GRIN2A: variants seen among roughly 807,000 people sequenced by gnomAD.
The protein encoded by GRIN2A is glutamate receptor ionotropic, NMDA 2A.
In GRIN2A, 22 loss-of-function variants were observed where a neutral mutation model predicts 113.4. The ratio of observed to expected loss-of-function variants is 0.19; its 90% CI spans 0.14 to 0.28. The LOEUF (loss-of-function observed/expected upper bound fraction) is 0.28, where lower values mean the gene tolerates loss of function less well. GRIN2A is among the 10% of genes least tolerant of loss of function. GRIN2A has a pLI of 1.00. For missense variants in GRIN2A, 1,502 were observed against 1,887.0 expected (o/e 0.80, Z 3.78); for synonymous variants, 827 against 738.4 (o/e 1.12, Z -1.94).
At chr16:10,112,465 C>G (rs758721483) in intron 2 of GRIN2A, 3 of 854,170 alleles carry the variant, frequency 3.5e-6, no homozygotes, top group Non-Finnish European at 6.1e-6. Context: ...TCCATCATAG[C>G]CGATGTGGCA....
chr16:10,078,773 A>G lies in GRIN2A; in HGVS notation c.414+101225T>C, dbSNP rs550323302. ...GAGGTGAGAAGCTGCTGGGGAGCTG[A>G]TGTCACCACTACCCCCTCCGAAGCC... On this transcript the variant is annotated intron_variant, in intron 2 of 12. Transcript: ENST00000330684. Among the ~76,000 whole-genome samples the G allele has an allele frequency of 2.4e-4, 36 of 152,236 alleles. No homozygotes were observed. The South Asian group carries it at 7.2e-3, about 31-fold the overall frequency.
At chr16:9,977,300 GA>G (rs199891102) in intron 2 of GRIN2A, among the ~76,000 whole-genome samples, 1 of 150,472 alleles carries the variant, frequency 6.6e-6, no homozygotes, top group Admixed American at 6.6e-5. Flanking sequence ...AGCAAGGGAG[GA>G]AGGGGGGAGG....
intron 2 of GRIN2A, among the ~76,000 whole-genome samples, chr16:10,116,250 A>G (rs1340433656): frequency 1.3e-5 from 2 of 152,236 alleles, no homozygotes; most frequent in African/African-American, 4.8e-5. Context: ...GTTCTCACTC[A>G]TAAGTGAGAG....
At chr16:9,932,586 T>C (rs1485165880) in intron 3 of GRIN2A, among the ~76,000 whole-genome samples, 1 of 151,862 alleles carries the variant, frequency 6.6e-6, no homozygotes, top group Non-Finnish European at 1.5e-5. Context: ...TTTTACCATG[T>C]GTTGGCCAGG....
rs137925544 is a variant in GRIN2A, at chr16:9,913,772, A to G, written c.1008-22672T>C. ...ATGTTCTAGGTCCAACTTTTTTTTT[A>G]GCTTTTGCCTTTGAGAGGTCATGTT... On this transcript the variant is annotated intron_variant, in intron 3 of 12. Coordinates refer to ENST00000330684, the MANE Select transcript of GRIN2A (RefSeq NM_001134407.3). Among the ~76,000 whole-genome samples the G allele has an allele frequency of 2.4e-4, 36 of 152,140 alleles. No homozygotes were observed. In the East Asian group the frequency reaches 6.6e-3, roughly 28 times the overall value.
intron 2 of GRIN2A, among the ~76,000 whole-genome samples, chr16:10,115,394 A>G (rs1370528585): frequency 6.6e-6 from 1 of 152,204 alleles, no homozygotes; most frequent in Non-Finnish European, 1.5e-5. Context: ...AGAGATGCTT[A>G]AACAGGAAGA....
chr16:9,948,931 C>A (rs796106763), intron 2 of GRIN2A, among the ~76,000 whole-genome samples: 3 of 152,316 alleles, frequency 2.0e-5, no homozygotes, highest in African/African-American at 7.2e-5. Flanking sequence ...CCCTGAGCCT[C>A]CATTTTTTTC....
At chr16:9,922,281 T>C (rs2044371727) in intron 3 of GRIN2A, among the ~76,000 whole-genome samples, 1 of 151,898 alleles carries the variant, frequency 6.6e-6, no homozygotes, top group Non-Finnish European at 1.5e-5. Context: ...AATTCCAGAT[T>C]ATTGTAACCA....
At chr16:9,889,599 C>G (rs2043652449) in intron 4 of GRIN2A, among the ~76,000 whole-genome samples, 2 of 152,086 alleles carry the variant, frequency 1.3e-5, no homozygotes, top group Admixed American at 1.3e-4. Context: ...GCAGTTAAAG[C>G]TATGAATTTC....
chr16:10,177,299 T>A (rs539577992), intron 2 of GRIN2A, among the ~76,000 whole-genome samples: 115 of 152,308 alleles, frequency 7.6e-4, no homozygotes, highest in Middle Eastern at 3.4e-3. Context: ...TCTCTTGGTA[T>A]CACCCAACTC....
At chr16:9,992,953 C>T (rs548828309) in intron 2 of GRIN2A, among the ~76,000 whole-genome samples, 11 of 152,186 alleles carry the variant, frequency 7.2e-5, no homozygotes, top group African/African-American at 2.4e-4. Flanking sequence ...CGGTGGCTCA[C>T]GCCTGTAATC....
chr16:10,107,410 C>T (rs1456992196), intron 2 of GRIN2A, among the ~76,000 whole-genome samples: 1 of 152,136 alleles, frequency 6.6e-6, no homozygotes, highest in Non-Finnish European at 1.5e-5. Context: ...TTGAAACTGC[C>T]CTGAGCTGAC....
intron 2 of GRIN2A, among the ~76,000 whole-genome samples, chr16:9,943,819 T>A (rs1355863672): frequency 6.6e-6 from 1 of 152,232 alleles, no homozygotes; most frequent in Non-Finnish European, 1.5e-5. Flanking sequence ...AAGAATAACC[T>A]ATGCATTGTG....
intron 2 of GRIN2A, among the ~76,000 whole-genome samples, chr16:10,155,581 T>A (rs992448626): frequency 6.6e-6 from 1 of 152,376 alleles, no homozygotes; most frequent in Admixed American, 6.5e-5. Flanking sequence ...CGATTTAATG[T>A]ACTATCTTTT....
At chr16:10,039,723 C>T (rs111997007) in intron 2 of GRIN2A, among the ~76,000 whole-genome samples, 30,471 of 145,448 alleles carry the variant, frequency 0.21, 3,853 homozygotes, top group East Asian at 0.52. Flanking sequence ...GCAGAAGCCC[C>T]CTCCCTCCCT....
chr16:10,179,615 T>C (rs1214956246), intron 2 of GRIN2A: 1 of 249,496 alleles, frequency 4.0e-6, no homozygotes, highest in Non-Finnish European at 7.8e-6. Context: ...AAAACTGGCA[T>C]TGTGAAAATA....
intron 2 of GRIN2A, among the ~76,000 whole-genome samples, chr16:9,944,721 C>G (rs2044976316): frequency 6.6e-6 from 1 of 152,142 alleles, no homozygotes; most frequent in African/African-American, 2.4e-5. Context: ...TTGCAGACTG[C>G]TGGACCACTT....
At position 9,763,841 on chromosome 16, in the gene GRIN2A, T is replaced by G; in HGVS notation, c.3703A>C (p.Lys1235Gln). The G allele has an allele frequency of 6.2e-7, 1 of 1,614,114 alleles. No individual in the cohort carries two copies. The highest frequency in any genetic ancestry group is 8.5e-7 in the Non-Finnish European group (1 of 1,180,006). ...SGHFTMRSPF[K>Q]CDACLRMGNL... ...CCCATCCGCAGGCAGGCATCGCACT[T>G]GAAGGGGGACCTCATGGTGAAGTGG... Residue 1235 changes from lysine (K) to glutamine (Q), a missense_variant, in exon 13 of 13, where the codon AAG (lysine) becomes CAG (glutamine). Lys to Gln is a moderately conservative substitution (Grantham distance 53). This residue lies in a region of GRIN2A where 832 missense variants were observed against 789.7 expected (regional missense o/e 1.05). Transcript: ENST00000330684.
At chr16:9,839,825 A>T (rs915105432) in intron 7 of GRIN2A, among the ~76,000 whole-genome samples, 3 of 152,192 alleles carry the variant, frequency 2.0e-5, no homozygotes, top group African/African-American at 7.2e-5. Context: ...CAAATGAAAG[A>T]TGTGAACTGG....
Sources: gnomAD v4.1 joint callset for allele counts (sites outside exome capture counted in the v4.1 genomes callset) on GRCh38, gnomAD v4.1.1 for gene constraint, gnomAD v4.1.1 regional missense constraint, MANE v1.5 for transcripts, NCBI Gene and HGNC (gene_info 2026-07-23, HGNC 2026-07-21) for gene names.